Variants in VEPH1 observed in about 807,000 individuals in gnomAD.
The protein encoded by VEPH1 is ventricular zone expressed PH domain containing 1, also known as ventricular zone-expressed PH domain-containing protein homolog 1.
In VEPH1, 80 loss-of-function variants were observed where a neutral mutation model predicts 85.2. That is an observed-to-expected ratio of 0.94 (90% CI 0.78 to 1.13). The LOEUF (loss-of-function observed/expected upper bound fraction) is 1.13. Among genes scored for constraint, VEPH1 ranks in the 50% most tolerant of loss-of-function variants. The pLI is 0.00. For missense variants in VEPH1, 955 were observed against 980.5 expected (o/e 0.97, Z 0.35); for synonymous variants, 297 against 348.0 (o/e 0.85, Z 1.63).
At chr3:157,476,923 A>C (rs1306600753) in intron 2 of VEPH1, among the ~76,000 whole-genome samples, 3 of 152,228 alleles carry the variant, frequency 2.0e-5, no homozygotes, top group Admixed American at 6.5e-5. Context: ...TAGATCCCTC[A>C]AGAAAGTGCA....
intron 11 of VEPH1, among the ~76,000 whole-genome samples, chr3:157,300,376 G>A (rs191058410): frequency 1.3e-5 from 2 of 152,134 alleles, no homozygotes; most frequent in African/African-American, 4.8e-5. Flanking sequence ...AGAACATCTG[G>A]CTAACTGTGA....
At chr3:157,425,299 G>A (rs1192824763) in intron 5 of VEPH1, among the ~76,000 whole-genome samples, 2 of 152,226 alleles carry the variant, frequency 1.3e-5, no homozygotes, top group Non-Finnish European at 2.9e-5. Flanking sequence ...TTGCTGCAGG[G>A]GTAGGGCTTT....
intron 5 of VEPH1, among the ~76,000 whole-genome samples, chr3:157,421,551 G>A (rs983155366): frequency 3.9e-5 from 6 of 152,214 alleles, no homozygotes; most frequent in South Asian, 2.1e-4. Context: ...TCTGGTTGTC[G>A]CCACTTATTT....
At chr3:157,438,037 G>GCACACACACACA (rs781700719) in intron 4 of VEPH1, 79 of 516,070 alleles carry the variant, frequency 1.5e-4, no homozygotes, top group East Asian at 5.6e-4. Flanking sequence ...GCGCGCGCGC[G>GCACACACACACA]CACACACACA....
intron 2 of VEPH1, among the ~76,000 whole-genome samples, chr3:157,481,709 A>T (rs1166682635): frequency 6.6e-6 from 1 of 152,088 alleles, no homozygotes; most frequent in Admixed American, 6.5e-5. Flanking sequence ...TGTTTCCTAG[A>T]TTATCTTTGA....
At chr3:157,408,745 A>T (rs1218943757) in intron 6 of VEPH1, among the ~76,000 whole-genome samples, 2 of 152,136 alleles carry the variant, frequency 1.3e-5, no homozygotes, top group East Asian at 3.9e-4. Flanking sequence ...GTCAGGTAAG[A>T]TAAGTAGGAG....
At chr3:157,402,619 T>C (rs2168430) in intron 6 of VEPH1, among the ~76,000 whole-genome samples, 102,094 of 152,058 alleles carry the variant, frequency 0.67, 34,651 homozygotes, top group South Asian at 0.75. Context: ...TGTTTAGACC[T>C]TTATAGGATC....
At chr3:157,348,235 A>C (rs1314580216) in intron 9 of VEPH1, among the ~76,000 whole-genome samples, 1 of 152,118 alleles carries the variant, frequency 6.6e-6, no homozygotes, top group Non-Finnish European at 1.5e-5. Context: ...ATGGCTCTTC[A>C]ATATAATAAT....
At chr3:157,395,638 A>G (rs1258455886) in intron 6 of VEPH1, among the ~76,000 whole-genome samples, 1 of 152,016 alleles carries the variant, frequency 6.6e-6, no homozygotes, top group Non-Finnish European at 1.5e-5. Flanking sequence ...GGACACAAAT[A>G]TCTTCAGTTT....
chr3:157,286,349 A>T, intron 12 of VEPH1: 1 of 596,102 alleles, frequency 1.7e-6, no homozygotes, highest in South Asian at 1.9e-5. Flanking sequence ...TAGGTAAGGG[A>T]TTGTTTCTCT....
intron 2 of VEPH1, among the ~76,000 whole-genome samples, chr3:157,486,169 T>C (rs1738621849): frequency 6.6e-6 from 1 of 152,088 alleles, no homozygotes; most frequent in African/African-American, 2.4e-5. Flanking sequence ...AATTAGAGAA[T>C]ACACATTCCT....
intron 11 of VEPH1, among the ~76,000 whole-genome samples, chr3:157,290,712 G>T (rs899759730): frequency 5.3e-5 from 8 of 152,102 alleles, no homozygotes; most frequent in African/African-American, 1.4e-4. Flanking sequence ...ACTAATAAGG[G>T]TTTTCCTGAT....
At chr3:157,469,360 C>T (rs1180572182) in intron 3 of VEPH1, among the ~76,000 whole-genome samples, 1 of 152,190 alleles carries the variant, frequency 6.6e-6, no homozygotes, top group Non-Finnish European at 1.5e-5. Context: ...CTCATATCAG[C>T]TGCAACATGC....
intron 12 of VEPH1, among the ~76,000 whole-genome samples, chr3:157,275,346 C>T (rs1221500547): frequency 6.6e-6 from 1 of 152,098 alleles, no homozygotes; most frequent in Non-Finnish European, 1.5e-5. Context: ...GAGGCTGAGG[C>T]GGGTGGATTG....
At chr3:157,412,584 G>A (rs765461896) in intron 6 of VEPH1, among the ~76,000 whole-genome samples, 2 of 152,196 alleles carry the variant, frequency 1.3e-5, no homozygotes, top group South Asian at 2.1e-4. Context: ...AGGCATACCA[G>A]TGGGTTCTCT....
chr3:157,399,464 A>G (rs1365942640), intron 6 of VEPH1, among the ~76,000 whole-genome samples: 3 of 152,142 alleles, frequency 2.0e-5, no homozygotes, highest in Non-Finnish European at 4.4e-5. Context: ...ATCATTTTCT[A>G]TTTGTAATTA....
intron 10 of VEPH1, among the ~76,000 whole-genome samples, chr3:157,315,206 A>C (rs1285953548): frequency 1.3e-5 from 2 of 152,042 alleles, no homozygotes; most frequent in African/African-American, 4.8e-5. Context: ...AAGATTAATA[A>C]ATACTATTCC....
In VEPH1 at chr3:157,313,667, T is replaced by C. The variant is rs1720390792; in HGVS notation, c.1964A>G (p.His655Arg). The C allele has an allele frequency of 1.9e-6, 3 of 1,614,050 alleles. No homozygotes were observed. The highest frequency in any genetic ancestry group is 2.5e-6 in the Non-Finnish European group (3 of 1,180,026). The change falls in exon 11 of 14, where the codon CAC (histidine) becomes CGC (arginine). Residue 655 changes from histidine (H) to arginine (R), a missense_variant. His to Arg is a conservative substitution (Grantham distance 29). Coordinates refer to ENST00000362010, the MANE Select transcript of VEPH1 (RefSeq NM_001167912.2). ...CTCCATCATGGCAGTTTCAAAGCTGTGAGCACCCCCTGCCTGGGTCTTCTC... is the reference window on the plus strand; with the variant it reads ...CTCCATCATGGCAGTTTCAAAGCTGCGAGCACCCCCTGCCTGGGTCTTCTC... The part of the protein sequence containing the change: ...LWEKTQAGGA[H>R]SFETAMMEST...
chr3:157,447,482 G>T (rs925747854), intron 4 of VEPH1, among the ~76,000 whole-genome samples: 8 of 151,932 alleles, frequency 5.3e-5, no homozygotes, highest in Non-Finnish European at 1.0e-4. Flanking sequence ...TTGTTTTATG[G>T]TGAACTTAAA....
Sources: gnomAD v4.1 joint callset for allele counts (sites outside exome capture counted in the v4.1 genomes callset) on GRCh38, gnomAD v4.1.1 for gene constraint, MANE v1.5 for transcripts, NCBI Gene and HGNC (gene_info 2026-07-23, HGNC 2026-07-21) for gene names.